Variants in SH3KBP1 observed in about 807,000 individuals in gnomAD.
SH3KBP1 encodes the protein SH3 domain-containing kinase-binding protein 1.
In SH3KBP1, 8 loss-of-function variants were observed where a neutral mutation model predicts 50.1. The ratio of observed to expected loss-of-function variants is 0.16; its 90% CI spans 0.09 to 0.29. The LOEUF is 0.29. Ranked by LOEUF, SH3KBP1 falls within the 10% of genes least tolerant of loss-of-function variation. The probability of loss-of-function intolerance (pLI) is 1.00; values close to 1 mark genes in which losing one functional copy is unlikely to be tolerated. For missense variants in SH3KBP1, 377 were observed against 535.2 expected (o/e 0.70, Z 2.92); for synonymous variants, 227 against 218.6 (o/e 1.04, Z -0.34).
intron 12 of SH3KBP1, among the ~76,000 whole-genome samples, chrX:19,569,687 G>A (rs147812899): frequency 1.8e-3 from 202 of 111,987 alleles, no homozygotes; most frequent in African/African-American, 6.1e-3. Flanking sequence ...GAGATCTGGC[G>A]GCCTGAATGC....
At chrX:19,542,741 T>TA (rs1391950750) in intron 15 of SH3KBP1, among the ~76,000 whole-genome samples, 1 of 111,099 alleles carries the variant, frequency 9.0e-6, no homozygotes, top group East Asian at 2.8e-4. Flanking sequence ...GAGGGGCACT[T>TA]AGAGAAAGAA....
chrX:19,736,221 C>T (rs1466626084), intron 3 of SH3KBP1, among the ~76,000 whole-genome samples: 2 of 112,432 alleles, frequency 1.8e-5, no homozygotes, highest in Non-Finnish European at 3.8e-5. Flanking sequence ...TGACACCCTA[C>T]CCCACTTCAC....
chrX:19,569,264 C>T, intron 12 of SH3KBP1, 76 bp from the exon 13 acceptor site: 1 of 920,881 alleles, frequency 1.1e-6, no homozygotes, highest in Admixed American at 2.2e-5. Flanking sequence ...TCTTGCTGCA[C>T]ACGTTAAGGA....
chrX:19,603,279 C>T (rs2067146159), intron 9 of SH3KBP1, among the ~76,000 whole-genome samples: 1 of 112,214 alleles, frequency 8.9e-6, no homozygotes, highest in Non-Finnish European at 1.9e-5. Context: ...CTTGCCCTCC[C>T]GGAAAGCACC....
chrX:19,603,238 T>C (rs2067144489), intron 9 of SH3KBP1, among the ~76,000 whole-genome samples: 1 of 112,301 alleles, frequency 8.9e-6, no homozygotes, highest in Non-Finnish European at 1.9e-5. Context: ...AGACCCTTGG[T>C]AAGAACAACA....
At chrX:19,786,138 T>G (rs1398783677) in intron 2 of SH3KBP1, among the ~76,000 whole-genome samples, 2 of 112,066 alleles carry the variant, frequency 1.8e-5, no homozygotes, top group African/African-American at 3.3e-5. Context: ...TTTAATGTGA[T>G]GAGCCAAATT....
Position 19,668,206 on chromosome X carries a change from C to CA in SH3KBP1, c.726+15616dup, listed in dbSNP as rs1199113890. Among the ~76,000 whole-genome samples, 8 of 109,350 alleles carry CA rather than the reference C, an allele frequency of 7.3e-5. No individual in the cohort carries two copies. In the East Asian group the frequency reaches 2.3e-3, roughly 31 times the overall value. The allele number at this position is 109,350 out of a possible 115,157, so 95.0% of individuals were successfully genotyped here. ...TGTGTACTGCATGCATATTCAGGCT[C>CA]AAAAAAAAGTCTGGAAGAGGCTGGG... On this transcript the variant is annotated intron_variant, in intron 6 of 17. Transcript: ENST00000397821.
intron 3 of SH3KBP1, among the ~76,000 whole-genome samples, chrX:19,734,221 C>T (rs2064466259): frequency 9.0e-6 from 1 of 111,611 alleles, no homozygotes; most frequent in Admixed American, 9.5e-5. Context: ...AAGAAATGAA[C>T]AATAGGATGC....
At position 19,536,458 on chromosome X, in the gene SH3KBP1, T is replaced by A; in HGVS notation, c.1957A>T (p.Met653Leu). The change falls in exon 18 of 18, where the codon ATG becomes TTG. Residue 653 changes from methionine (M) to leucine (L), a missense_variant and splice_region_variant. Physicochemically the swap from Met to Leu is conservative, Grantham distance 15. Coordinates refer to ENST00000397821, the MANE Select transcript of SH3KBP1 (RefSeq NM_031892.3). ...EEKKIRLRLQ[M>L]EVNDIKKALQ... is the part of the protein sequence containing the mutation. ...GCTTTCTTTATGTCGTTCACTTCCA[T>A]CTAGAAAGAGAAAAATAAGAATGGA... 8.9e-7 allele frequency: 1 copy of A among 1,123,877 alleles called. No individual in the cohort carries two copies. Among genetic ancestry groups the A allele is most frequent in the Non-Finnish European group, 1.2e-6 (1 of 826,780 alleles). The allele number at this position is 1,123,877 out of a possible 1,213,427, so 92.6% of individuals were successfully genotyped here.
chrX:19,746,115 T>C (rs773570732), intron 3 of SH3KBP1, among the ~76,000 whole-genome samples: 1 of 113,068 alleles, frequency 8.8e-6, no homozygotes, highest in South Asian at 3.6e-4. Context: ...TGTCAAAAAA[T>C]ATTTTTATTA....
Position 19,650,249 on chromosome X carries a change from C to T in SH3KBP1, c.727-4774G>A, listed in dbSNP as rs190836238. Among the ~76,000 whole-genome samples the T allele has an allele frequency of 4.1e-4, 46 of 112,320 alleles. No homozygotes were observed. In the East Asian group the frequency reaches 8.9e-3, roughly 22 times the overall value. Reference sequence around the variant, plus strand: ...CACTCACCTTATTAGTCCTTTCTCACGCTGCTAGTAAAGTTATGCCTGAGA... The same window carrying T: ...CACTCACCTTATTAGTCCTTTCTCATGCTGCTAGTAAAGTTATGCCTGAGA... On this transcript the variant is annotated intron_variant, in intron 6 of 17. Transcript: ENST00000397821.
intron 1 of SH3KBP1, among the ~76,000 whole-genome samples, chrX:19,854,695 A>C (rs2147492472): frequency 9.0e-6 from 1 of 111,092 alleles, no homozygotes; most frequent in East Asian, 2.9e-4. Context: ...CCTGGCTCTA[A>C]GTCCAGCTGG....
chrX:19,712,342 C>T (rs915967800), intron 3 of SH3KBP1, among the ~76,000 whole-genome samples: 4 of 111,755 alleles, frequency 3.6e-5, no homozygotes, highest in Admixed American at 9.4e-5. Context: ...TGGGACAATA[C>T]GGTATGTACT....
At chrX:19,576,722 C>A (rs1299681063) in intron 12 of SH3KBP1, among the ~76,000 whole-genome samples, 1 of 112,406 alleles carries the variant, frequency 8.9e-6, no homozygotes, top group Non-Finnish European at 1.9e-5. Context: ...GGATTACAGG[C>A]ATGCTTTAAA....
chrX:19,562,034 C>T, intron 13 of SH3KBP1, among the ~76,000 whole-genome samples: 1 of 111,127 alleles, frequency 9.0e-6, no homozygotes, highest in South Asian at 3.8e-4. Context: ...CAATGTCACT[C>T]TCCAACTGCT....
intron 12 of SH3KBP1, among the ~76,000 whole-genome samples, chrX:19,586,113 GAGACGC>G (rs1397468911): frequency 6.2e-5 from 7 of 112,203 alleles, no homozygotes; most frequent in Non-Finnish European, 1.3e-4. Context: ...TGGATACTGG[GAGACGC>G]AGAGGCAGAG....
At chrX:19,612,750 A>C (rs775159346) in intron 8 of SH3KBP1, among the ~76,000 whole-genome samples, 2 of 111,949 alleles carry the variant, frequency 1.8e-5, no homozygotes, top group East Asian at 5.6e-4. Flanking sequence ...CTCAGAGTCT[A>C]GTGGGAGAGG....
At chrX:19,542,415 C>A (rs1161626474) in intron 15 of SH3KBP1, among the ~76,000 whole-genome samples, 1 of 112,045 alleles carries the variant, frequency 8.9e-6, no homozygotes, top group Non-Finnish European at 1.9e-5. Flanking sequence ...GACCTTCTTT[C>A]TGGACAGAGA....
intron 16 of SH3KBP1, among the ~76,000 whole-genome samples, chrX:19,540,286 C>T (rs1198694904): frequency 1.8e-5 from 2 of 110,905 alleles, no homozygotes; most frequent in African/African-American, 6.6e-5. Context: ...GGATCTCTTC[C>T]AGGCTGGGGT....
Sources: allele counts gnomAD v4.1 joint callset (sites outside exome capture counted in the v4.1 genomes callset), GRCh38; gene constraint gnomAD v4.1.1; transcripts MANE v1.5; gene names NCBI Gene and HGNC (gene_info 2026-07-23, HGNC 2026-07-21).